RUNX1: variants seen among roughly 807,000 people sequenced by gnomAD.
The protein encoded by RUNX1 is runt-related transcription factor 1.
In RUNX1, 19 loss-of-function variants were observed where a neutral mutation model predicts 42.8. The observed-to-expected ratio is 0.44, with a 90% CI of 0.31 to 0.65. RUNX1 has a LOEUF of 0.65. RUNX1 is among the 30% of genes least tolerant of loss of function. The pLI is 0.07. For missense variants in RUNX1, 528 were observed against 672.0 expected (o/e 0.79, Z 2.37); for synonymous variants, 271 against 289.4 (o/e 0.94, Z 0.64).
chr21:34,834,213 C>T (rs768389035), intron 7 of RUNX1, 197 bp downstream of exon 7: 19 of 694,768 alleles, frequency 2.7e-5, no homozygotes, highest in South Asian at 1.2e-4. Context: ...AGATCTGACT[C>T]GGTGGGTCTG....
At chr21:34,835,191 C>CCCCTCT (rs890729365) in intron 6 of RUNX1, among the ~76,000 whole-genome samples, 2 of 152,048 alleles carry the variant, frequency 1.3e-5, no homozygotes, top group African/African-American at 2.4e-5. Context: ...AGCCCCTCAG[C>CCCCTCT]CCCTCTCCCT....
At chr21:34,856,491 TAG>T (rs1351302180) in intron 6 of RUNX1, 1 of 516,372 alleles carries the variant, frequency 1.9e-6, no homozygotes, top group Non-Finnish European at 3.9e-6. Flanking sequence ...ATGGTATGGA[TAG>T]AGAGATGAAC....
chr21:34,830,438 CTTA>C (rs2057047240), intron 7 of RUNX1, among the ~76,000 whole-genome samples: 1 of 152,204 alleles, frequency 6.6e-6, no homozygotes, highest in African/African-American at 2.4e-5. Flanking sequence ...CAAAATTCTT[CTTA>C]TTATCAACAT....
At chr21:34,962,956 C>T (rs780263588) in intron 2 of RUNX1, among the ~76,000 whole-genome samples, 4 of 152,158 alleles carry the variant, frequency 2.6e-5, no homozygotes, top group Admixed American at 2.0e-4. Context: ...CCCCAGCAAA[C>T]GGAGGGAAGG....
chr21:34,947,301 T>C (rs982357030), intron 2 of RUNX1, among the ~76,000 whole-genome samples: 10 of 152,208 alleles, frequency 6.6e-5, no homozygotes, highest in East Asian at 3.8e-4. Flanking sequence ...CTCTCAGCTA[T>C]GTTGATGTAA....
intron 2 of RUNX1, among the ~76,000 whole-genome samples, chr21:35,031,155 C>T (rs2059270221): frequency 6.6e-6 from 1 of 152,124 alleles, no homozygotes; most frequent in Non-Finnish European, 1.5e-5. Context: ...TCGAGACCAG[C>T]CTGACCAACA....
intron 6 of RUNX1, among the ~76,000 whole-genome samples, chr21:34,844,943 G>A (rs984684039): frequency 1.3e-5 from 2 of 152,218 alleles, no homozygotes; most frequent in South Asian, 2.1e-4. Flanking sequence ...AAAGCCAACC[G>A]CAGCAAGTTG....
chr21:34,899,518 T>C (rs569229388), intron 2 of RUNX1, among the ~76,000 whole-genome samples: 60 of 152,274 alleles, frequency 3.9e-4, no homozygotes, highest in African/African-American at 1.4e-3. Context: ...ATGTCTGCTG[T>C]TTAAGCCACC....
At chr21:34,846,624 C>A (rs1313468784) in intron 6 of RUNX1, among the ~76,000 whole-genome samples, 1 of 152,060 alleles carries the variant, frequency 6.6e-6, no homozygotes. Context: ...CAGACATAGA[C>A]TCCACGGGCA....
intron 6 of RUNX1, among the ~76,000 whole-genome samples, chr21:34,856,760 G>A (rs1186652940): frequency 6.6e-6 from 1 of 152,152 alleles, no homozygotes; most frequent in Non-Finnish European, 1.5e-5. Context: ...GGCAATGCCA[G>A]GGCCATTTTG....
intron 7 of RUNX1, among the ~76,000 whole-genome samples, chr21:34,817,227 T>C (rs754733105): frequency 5.9e-5 from 9 of 152,188 alleles, no homozygotes; most frequent in Non-Finnish European, 1.0e-4. Flanking sequence ...TTGCCTATGC[T>C]CATTGCTATT....
chr21:34,799,579 TGTACCAGGG>T, intron 7 of RUNX1, 117 bp from the exon 8 acceptor site: 2 of 860,522 alleles, frequency 2.3e-6, no homozygotes, highest in Non-Finnish European at 3.7e-6. Flanking sequence ...ATGTGGCCTA[TGTACCAGGG>T]TTTAATAAGC....
intron 2 of RUNX1, among the ~76,000 whole-genome samples, chr21:34,953,140 T>TA (rs970611924): frequency 1.2e-4 from 18 of 150,330 alleles, no homozygotes; most frequent in African/African-American, 4.2e-4. Context: ...TTTTTTTTTT[T>TA]AAATCTACGT....
chr21:34,789,842 ATCT>A lies in RUNX1; in HGVS notation c.*2290_*2292del. ...CATGAGGCTGGTTTTGAGTTGGAATATCTTCAGTTAACAGAATTAAACTGAAAA... is the reference window on the plus strand; with the variant it reads ...CATGAGGCTGGTTTTGAGTTGGAATATCAGTTAACAGAATTAAACTGAAAA... On this transcript the variant is annotated 3_prime_UTR_variant, in exon 9 of 9. Transcript: ENST00000675419. The A allele has an allele frequency of 4.3e-6, 1 of 233,278 alleles. No homozygotes were observed. Among genetic ancestry groups the A allele is most frequent in the Non-Finnish European group, 8.5e-6 (1 of 118,046 alleles). 14.5% of individuals were successfully genotyped at this position (233,278 alleles called of 1,614,324 possible). A position where few individuals can be genotyped will look rare whatever the true frequency, so the allele number is the denominator to read the frequency against.
chr21:34,922,253 C>T (rs182846173), intron 2 of RUNX1, among the ~76,000 whole-genome samples: 1 of 152,254 alleles, frequency 6.6e-6, no homozygotes, highest in East Asian at 1.9e-4. Flanking sequence ...GTGCTTTGCC[C>T]TTCCAGGATT....
chr21:34,999,716 G>A (rs182334181), intron 2 of RUNX1, among the ~76,000 whole-genome samples: 36 of 152,306 alleles, frequency 2.4e-4, no homozygotes, highest in Non-Finnish European at 3.5e-4. Flanking sequence ...TCAGCCCACG[G>A]AAAGCACATG....
At chr21:34,857,533 C>T (rs1444069892) in intron 6 of RUNX1, among the ~76,000 whole-genome samples, 2 of 152,232 alleles carry the variant, frequency 1.3e-5, no homozygotes, top group Non-Finnish European at 1.5e-5. Context: ...CACCTGGCTT[C>T]GGCTTCTTCA....
chr21:35,038,430 C>A, intron 2 of RUNX1: 1 of 431,864 alleles, frequency 2.3e-6, no homozygotes, highest in South Asian at 1.7e-5. Flanking sequence ...AAATAAAGGT[C>A]TGTAGAGAGA....
intron 2 of RUNX1, among the ~76,000 whole-genome samples, chr21:34,964,936 A>G (rs1235476129): frequency 6.6e-6 from 1 of 152,014 alleles, no homozygotes; most frequent in Non-Finnish European, 1.5e-5. Flanking sequence ...GCTTGCACCT[A>G]TGTGCTTGTA....
Sources: allele counts gnomAD v4.1 joint callset (sites outside exome capture counted in the v4.1 genomes callset), GRCh38; gene constraint gnomAD v4.1.1; transcripts MANE v1.5; gene names NCBI Gene and HGNC (gene_info 2026-07-23, HGNC 2026-07-21).